Variants in DPP10 observed in about 807,000 individuals in gnomAD.
The protein encoded by DPP10 is dipeptidyl peptidase like 10.
Under a neutral mutation model 120.9 loss-of-function variants are expected in DPP10, and 33 were observed. The ratio of observed to expected loss-of-function variants is 0.27; its 90% CI spans 0.21 to 0.37. The LOEUF (loss-of-function observed/expected upper bound fraction) is 0.37. Ranked by LOEUF, DPP10 falls within the 10% of genes least tolerant of loss-of-function variation. The probability of loss-of-function intolerance (pLI) is 1.00; values close to 1 mark genes in which losing one functional copy is unlikely to be tolerated. For missense variants in DPP10, 816 were observed against 942.8 expected (o/e 0.87, Z 1.76); for synonymous variants, 337 against 326.1 (o/e 1.03, Z -0.36).
chr2:114,678,029 A>C (rs554996313), intron 1 of DPP10, among the ~76,000 whole-genome samples: 8 of 152,268 alleles, frequency 5.3e-5, no homozygotes, highest in African/African-American at 1.9e-4. Context: ...TAACATGATA[A>C]ATGAATTAGG....
chr2:114,790,399 A>G (rs1244170815), intron 1 of DPP10, among the ~76,000 whole-genome samples: 1 of 152,328 alleles, frequency 6.6e-6, no homozygotes, highest in South Asian at 2.1e-4. Flanking sequence ...TACAGATAAG[A>G]TGAGGCTCTT....
chr2:115,162,366 C>A, intron 1 of DPP10: 2 of 1,368,670 alleles, frequency 1.5e-6, no homozygotes, highest in Middle Eastern at 2.6e-4. Context: ...TCTTGGTTCC[C>A]CATTAACGCA....
At chr2:114,477,874 T>C (rs112593883) in intron 1 of DPP10, among the ~76,000 whole-genome samples, 27 of 147,986 alleles carry the variant, frequency 1.8e-4, no homozygotes, top group African/African-American at 6.5e-4. Flanking sequence ...TATATGTACA[T>C]ATATGTGTAT....
chr2:115,246,161 A>T (rs575442204), intron 1 of DPP10, among the ~76,000 whole-genome samples: 48 of 152,266 alleles, frequency 3.2e-4, no homozygotes, highest in African/African-American at 1.1e-3. Context: ...GGGTAAAAAA[A>T]AAATGTGCAC....
intron 1 of DPP10, among the ~76,000 whole-genome samples, chr2:115,255,314 A>C (rs1428994809): frequency 6.6e-6 from 1 of 152,108 alleles, no homozygotes; most frequent in Non-Finnish European, 1.5e-5. Flanking sequence ...AGTGGCTAGG[A>C]GACAGAGCGC....
intron 1 of DPP10, among the ~76,000 whole-genome samples, chr2:114,455,290 A>T (rs886507904): frequency 6.6e-6 from 1 of 152,016 alleles, no homozygotes; most frequent in African/African-American, 2.4e-5. Context: ...CACGCCTGTA[A>T]TCCCAGCACT....
intron 1 of DPP10, among the ~76,000 whole-genome samples, chr2:114,496,914 CA>C (rs1163604236): frequency 6.6e-6 from 1 of 151,902 alleles, no homozygotes; most frequent in African/African-American, 2.4e-5. Context: ...AGGTTAATTA[CA>C]GCACAAGAAT....
At chr2:115,358,763 C>A (rs959144584) in intron 3 of DPP10, among the ~76,000 whole-genome samples, 3 of 152,104 alleles carry the variant, frequency 2.0e-5, no homozygotes, top group Admixed American at 2.0e-4. Context: ...GTTCAGCATG[C>A]CTGGGAAGGC....
At chr2:114,639,876 G>C (rs1695579719) in intron 1 of DPP10, among the ~76,000 whole-genome samples, 1 of 151,680 alleles carries the variant, frequency 6.6e-6, no homozygotes, top group African/African-American at 2.4e-5. Context: ...AATTTCAAAT[G>C]GATTTCTATT....
At chr2:114,790,175 A>G (rs892746565) in intron 1 of DPP10, among the ~76,000 whole-genome samples, 1 of 152,228 alleles carries the variant, frequency 6.6e-6, no homozygotes, top group Non-Finnish European at 1.5e-5. Context: ...TCAGCAACAG[A>G]ATATCCCGCA....
chr2:115,683,056 T>C (rs548123951), intron 5 of DPP10, among the ~76,000 whole-genome samples: 1 of 152,052 alleles, frequency 6.6e-6, no homozygotes, highest in South Asian at 2.1e-4. Context: ...TGTTTTGCTT[T>C]TTAATTAGCA....
intron 2 of DPP10, among the ~76,000 whole-genome samples, chr2:115,320,519 G>T: frequency 6.6e-6 from 1 of 150,922 alleles, no homozygotes. Flanking sequence ...GGTTATGTTG[G>T]TCATCATAAT....
At chr2:115,350,249 A>G (rs553682078) in intron 3 of DPP10, among the ~76,000 whole-genome samples, 2 of 152,188 alleles carry the variant, frequency 1.3e-5, no homozygotes, top group Admixed American at 1.3e-4. Flanking sequence ...ATGGAATTAT[A>G]TATATAGTGT....
chr2:114,619,645 A>C (rs1693946091), intron 1 of DPP10, among the ~76,000 whole-genome samples: 2 of 152,026 alleles, frequency 1.3e-5, no homozygotes, highest in African/African-American at 4.8e-5. Flanking sequence ...TAAAATAAGC[A>C]TTGATGGCAG....
chr2:115,345,670 A>G (rs1034726130), intron 3 of DPP10, among the ~76,000 whole-genome samples: 3 of 152,148 alleles, frequency 2.0e-5, no homozygotes, highest in African/African-American at 4.8e-5. Context: ...AGCTTGGACT[A>G]TTTAGAGGCA....
intron 1 of DPP10, among the ~76,000 whole-genome samples, chr2:115,264,949 G>A (rs987311887): frequency 2.6e-5 from 4 of 152,100 alleles, no homozygotes; most frequent in African/African-American, 7.2e-5. Flanking sequence ...GATTTTATTA[G>A]GGGTGTCAAA....
intron 1 of DPP10, among the ~76,000 whole-genome samples, chr2:114,880,506 A>C (rs1451906827): frequency 6.6e-6 from 1 of 152,174 alleles, no homozygotes; most frequent in Non-Finnish European, 1.5e-5. Context: ...CACACAAAGA[A>C]ACATGTTAGA....
chr2:114,463,226 T>C (rs911129388), intron 1 of DPP10, among the ~76,000 whole-genome samples: 12 of 152,166 alleles, frequency 7.9e-5, no homozygotes, highest in African/African-American at 2.4e-4. Context: ...TCCATCTGTG[T>C]CCATATTAAA....
chr2:115,557,408 G>A (rs1448597837), intron 5 of DPP10, among the ~76,000 whole-genome samples: 3 of 152,088 alleles, frequency 2.0e-5, no homozygotes, highest in Non-Finnish European at 2.9e-5. Flanking sequence ...TTGACACCAC[G>A]TAAGATGGCC....
Sources: gnomAD v4.1 joint callset for allele counts (sites outside exome capture counted in the v4.1 genomes callset) on GRCh38, gnomAD v4.1.1 for gene constraint, MANE v1.5 for transcripts, NCBI Gene and HGNC (gene_info 2026-07-23, HGNC 2026-07-21) for gene names.